The following CFAP54 variants were observed in gnomAD, a reference collection of about 807,000 sequenced individuals.
The protein encoded by CFAP54 is cilia and flagella associated protein 54.
CFAP54 carries 290 observed loss-of-function variants against 370.4 expected under a neutral mutation model. The ratio of observed to expected loss-of-function variants is 0.78; its 90% CI spans 0.71 to 0.86. The LOEUF is 0.86. CFAP54 is among the 40% of genes least tolerant of loss of function. The probability of loss-of-function intolerance (pLI) is 0.00; values close to 1 mark genes in which losing one functional copy is unlikely to be tolerated. For missense variants in CFAP54, 3,399 were observed against 3,528.7 expected, an observed-to-expected ratio of 0.96 and a Z score of 0.93; for synonymous variants, 1,206 against 1,236.5, an observed-to-expected ratio of 0.98 and a Z score of 0.52.
At chr12:96,585,224 G>A (rs1249079175) in intron 22 of CFAP54, among the ~76,000 whole-genome samples, 2 of 151,862 alleles carry the variant, frequency 1.3e-5, no homozygotes, top group East Asian at 1.9e-4. Flanking sequence ...GCAGTGGTGC[G>A]ATCTCAGCTT....
intron 39 of CFAP54, among the ~76,000 whole-genome samples, chr12:96,678,297 C>G (rs1226419166): frequency 6.6e-6 from 1 of 152,180 alleles, no homozygotes; most frequent in Non-Finnish European, 1.5e-5. Context: ...GTCACCCAGG[C>G]TGGAGTGCAG....
intron 26 of CFAP54, among the ~76,000 whole-genome samples, chr12:96,618,759 T>C (rs1455078468): frequency 1.1e-4 from 17 of 152,234 alleles, no homozygotes; most frequent in Non-Finnish European, 2.4e-4. Context: ...TTTTCTCTCT[T>C]AGCACACACC....
At chr12:96,718,855 A>G (rs964066821) in intron 49 of CFAP54, among the ~76,000 whole-genome samples, 1 of 152,190 alleles carries the variant, frequency 6.6e-6, no homozygotes, top group Admixed American at 6.5e-5. Context: ...CCTGACCAAC[A>G]TGGAGAAATC....
chr12:96,581,089 G>A lies in CFAP54; in HGVS notation c.3059G>A (p.Arg1020Gln), dbSNP rs761391183. ...VYPPLSTITA[R>Q]MFLTQVAYQV... ...CCCCCTCTTTCTACTATTACTGCTC[G>A]GATGTTCCTGACACAGGTAGAAAAG... The change falls in exon 22 of 68, where the codon CGG (arginine) becomes CAG (glutamine). Residue 1020 changes from arginine (R) to glutamine (Q), a missense_variant. This residue lies in a region of CFAP54 where 2,796 missense variants were observed against 2,869.7 expected (regional missense o/e 0.97). Coordinates refer to ENST00000524981, the MANE Select transcript of CFAP54 (RefSeq NM_001306084.2). The A allele has an allele frequency of 1.3e-5, 20 of 1,496,512 alleles. 1 individual carries two copies. The South Asian group carries it at 1.7e-4, about 13-fold the overall frequency. The allele number at this position is 1,496,512 out of a possible 1,614,324, so 92.7% of individuals were successfully genotyped here. A position where few individuals can be genotyped will look rare whatever the true frequency, so the allele number is the denominator to read the frequency against.
chr12:96,682,372 AT>A (rs561899838), intron 40 of CFAP54: 28,829 of 734,774 alleles, frequency 0.039, no homozygotes, highest in Non-Finnish European at 0.044. Flanking sequence ...TTTTCTTTAA[AT>A]TTTTTTTTTT....
intron 46 of CFAP54, 98 bp downstream of exon 46, chr12:96,700,191 T>G: frequency 7.5e-7 from 1 of 1,331,280 alleles, no homozygotes. Flanking sequence ...TTACAATCTC[T>G]GGTATTTTAG....
intron 51 of CFAP54, among the ~76,000 whole-genome samples, chr12:96,741,184 T>G (rs1958046992): frequency 6.6e-6 from 1 of 152,234 alleles, no homozygotes; most frequent in East Asian, 1.9e-4. Context: ...GGTTTTTTTT[T>G]GAGACGGAGT....
Position 96,538,522 on chromosome 12 carries a change from T to A in CFAP54, c.1926+4T>A. The A allele has an allele frequency of 6.5e-7, 1 of 1,534,890 alleles. No homozygotes were observed. Among genetic ancestry groups the A allele is most frequent in the Non-Finnish European group, 8.7e-7 (1 of 1,146,030 alleles). On this transcript the variant is annotated splice_donor_region_variant and intron_variant, in intron 13 of 67. Transcript: ENST00000524981. Reference sequence around the variant, plus strand: ...CCAGAAAATCAGTACTAACAAAGTATTCCTTTCGCATTCCCTTTCACGTGT... The same window carrying A: ...CCAGAAAATCAGTACTAACAAAGTAATCCTTTCGCATTCCCTTTCACGTGT...
rs147493471 is a variant in CFAP54, at chr12:96,714,630, G to A, written c.6725-3813G>A. On this transcript the variant is annotated intron_variant, in intron 48 of 67. Coordinates refer to ENST00000524981, the MANE Select transcript of CFAP54 (RefSeq NM_001306084.2). ...AAAAGGCCAAGGAGGATGGAGGTTG[G>A]ACTTAACAAAAGGAATGTCATTGAA... Among the ~76,000 whole-genome samples, 725 of 152,148 alleles carry A rather than the reference G, an allele frequency of 4.8e-3. 4 individuals carry two copies. The highest frequency in any genetic ancestry group is 0.017 in the African/African-American group (689 of 41,490).
chr12:96,532,498 C>T (rs1159426243), intron 9 of CFAP54, among the ~76,000 whole-genome samples: 2 of 152,120 alleles, frequency 1.3e-5, no homozygotes, highest in Non-Finnish European at 2.9e-5. Flanking sequence ...CACCCAAACC[C>T]CCAAATTTAC....
intron 17 of CFAP54, among the ~76,000 whole-genome samples, chr12:96,564,048 A>G (rs936793925): frequency 6.6e-6 from 1 of 152,200 alleles, no homozygotes; most frequent in Non-Finnish European, 1.5e-5. Flanking sequence ...TGTGTTACCC[A>G]GAGCTCTTAA....
rs758801353 is a variant in CFAP54 at position 96,688,891 on chromosome 12, A to G, written c.6015-25A>G. ...GTTTTTGGAAAATTTCTACTAATCA[A>G]TTTTTTTTTCTTATACTTACTTAGA... On this transcript the variant is annotated intron_variant, in intron 42 of 67. Transcript: ENST00000524981. 7.8e-6 allele frequency: 11 copies of G among 1,408,022 alleles called. No individual in the cohort carries two copies. The African/African-American group carries it at 1.0e-4, about 13-fold the overall frequency. The allele number at this position is 1,408,022 out of a possible 1,614,324, so 87.2% of individuals were successfully genotyped here. A position where few individuals can be genotyped will look rare whatever the true frequency, so the allele number is the denominator to read the frequency against.
intron 50 of CFAP54, among the ~76,000 whole-genome samples, chr12:96,736,748 G>T (rs1310604658): frequency 6.6e-6 from 1 of 152,156 alleles, no homozygotes; most frequent in Non-Finnish European, 1.5e-5. Context: ...GCATTGAACT[G>T]CACCAAGAGG....
chr12:96,670,978 TA>T (rs1957138844), intron 39 of CFAP54, among the ~76,000 whole-genome samples: 1 of 152,166 alleles, frequency 6.6e-6, no homozygotes, highest in East Asian at 1.9e-4. Flanking sequence ...ATTCAGTATT[TA>T]TTTTTTTATT....
intron 63 of CFAP54, among the ~76,000 whole-genome samples, chr12:96,801,492 G>T (rs771499252): frequency 6.6e-6 from 1 of 152,134 alleles, no homozygotes; most frequent in Non-Finnish European, 1.5e-5. Flanking sequence ...AAAAATAGCT[G>T]CAAAGGGTGG....
chr12:96,811,684 C>A, intron 63 of CFAP54, 52 bp from the exon 64 acceptor site: 2 of 942,782 alleles, frequency 2.1e-6, no homozygotes, highest in Non-Finnish European at 3.1e-6. Context: ...AGTTTTTGAG[C>A]TAAACTCTAA....
chr12:96,528,415 T>C (rs1955406180), intron 9 of CFAP54, among the ~76,000 whole-genome samples: 1 of 152,158 alleles, frequency 6.6e-6, no homozygotes, highest in African/African-American at 2.4e-5. Context: ...TCTTGTAATG[T>C]TATTTTTAGG....
intron 66 of CFAP54, among the ~76,000 whole-genome samples, chr12:96,846,907 G>T (rs1959371504): frequency 6.6e-6 from 1 of 152,104 alleles, no homozygotes; most frequent in Admixed American, 6.5e-5. Context: ...CACCAACTGG[G>T]TGTCCAATGA....
intron 33 of CFAP54, chr12:96,647,144 G>C (rs1264191012): frequency 4.0e-5 from 6 of 151,218 alleles, no homozygotes; most frequent in Admixed American, 3.9e-4. Context: ...TATTTTTTTT[G>C]ATGCAAGACT....
Sources: allele counts gnomAD v4.1 joint callset (sites outside exome capture counted in the v4.1 genomes callset), GRCh38; gene constraint gnomAD v4.1.1; regional missense constraint gnomAD v4.1.1; transcripts MANE v1.5; gene names NCBI Gene and HGNC (gene_info 2026-07-23, HGNC 2026-07-21).